ANKS1B: variants seen among roughly 807,000 people sequenced by gnomAD.
ANKS1B encodes the protein ankyrin repeat and sterile alpha motif domain containing 1B, also known as ankyrin repeat and sterile alpha motif domain-containing protein 1B.
In ANKS1B, 36 loss-of-function variants were observed where a neutral mutation model predicts 148.3. The observed-to-expected ratio is 0.24, with a 90% CI of 0.19 to 0.32. ANKS1B has a LOEUF of 0.32. Ranked by LOEUF, ANKS1B falls within the 10% of genes least tolerant of loss-of-function variation. The pLI is 1.00. For missense variants in ANKS1B, 1,157 were observed against 1,542.6 expected (o/e 0.75, Z 4.19); for synonymous variants, 542 against 560.8 (o/e 0.97, Z 0.47).
chr12:99,020,701 A>G (rs753107294), intron 17 of ANKS1B, among the ~76,000 whole-genome samples: 3 of 152,144 alleles, frequency 2.0e-5, no homozygotes, highest in Non-Finnish European at 4.4e-5. Context: ...ACATGAATTA[A>G]AACATATATA....
In ANKS1B at chr12:99,402,680, G is replaced by A. The variant is rs964713205; in HGVS notation, c.1576-2869C>T. Among the ~76,000 whole-genome samples, 9 of 145,758 alleles carry A rather than the reference G, an allele frequency of 6.2e-5. 1 individual carries two copies. The highest frequency in any genetic ancestry group is 2.1e-4 in the South Asian group (1 of 4,754). ...CTTTTTTATGGCTGCATAGTATTCC[G>A]TGGTGTATATATACCACATTTTCTT... is the stretch of plus-strand genomic sequence containing the variant. On this transcript the variant is annotated intron_variant, in intron 11 of 26. Transcript: ENST00000683438.
chr12:99,778,831 C>A lies in ANKS1B; in HGVS notation c.847+1040G>T, dbSNP rs576580802. On this transcript the variant is annotated intron_variant, in intron 6 of 26. Coordinates refer to ENST00000683438, the MANE Select transcript of ANKS1B (RefSeq NM_001352186.2). Reference sequence around the variant, plus strand: ...ATCTATTCCTTTTACTCCTCCTTGGCCTTTGTTGACTATTGTATCTACATG... The same window carrying A: ...ATCTATTCCTTTTACTCCTCCTTGGACTTTGTTGACTATTGTATCTACATG... Among the ~76,000 whole-genome samples the A allele has an allele frequency of 2.0e-5, 3 of 152,232 alleles. No individual in the cohort carries two copies. In the South Asian group the frequency reaches 6.2e-4, roughly 32 times the overall value.
intron 8 of ANKS1B, among the ~76,000 whole-genome samples, chr12:99,664,262 A>G (rs947311407): frequency 3.3e-5 from 5 of 152,074 alleles, no homozygotes; most frequent in Non-Finnish European, 7.4e-5. Context: ...CATTTTTCTA[A>G]AAGTTTACTT....
chr12:99,947,272 G>C, intron 1 of ANKS1B, among the ~76,000 whole-genome samples: 1 of 127,756 alleles, frequency 7.8e-6, no homozygotes, highest in Admixed American at 7.6e-5. Flanking sequence ...AAAAAAAACA[G>C]AAAAGAAAAT....
intron 18 of ANKS1B, among the ~76,000 whole-genome samples, chr12:98,830,547 T>C (rs188533870): frequency 6.6e-6 from 1 of 152,354 alleles, no homozygotes; most frequent in East Asian, 1.9e-4. Flanking sequence ...TTTCCTGTCC[T>C]GCCCTCTGTT....
At chr12:99,076,083 C>G (rs536727527) in intron 16 of ANKS1B, among the ~76,000 whole-genome samples, 1 of 151,946 alleles carries the variant, frequency 6.6e-6, no homozygotes, top group South Asian at 2.1e-4. Flanking sequence ...AGGGAAATGA[C>G]TAGTATATAG....
intron 1 of ANKS1B, among the ~76,000 whole-genome samples, chr12:99,907,414 GA>G (rs1295838744): frequency 6.6e-6 from 1 of 152,298 alleles, no homozygotes; most frequent in East Asian, 1.9e-4. Flanking sequence ...AGCATGACTT[GA>G]AAAACATCTA....
chr12:99,699,004 G>A (rs565260564), intron 8 of ANKS1B, among the ~76,000 whole-genome samples: 3 of 152,014 alleles, frequency 2.0e-5, no homozygotes, highest in Non-Finnish European at 2.9e-5. Context: ...GCACATGTGC[G>A]TGCTCTTTAT....
At chr12:99,101,263 T>C (rs557283347) in intron 15 of ANKS1B, among the ~76,000 whole-genome samples, 168 of 152,252 alleles carry the variant, frequency 1.1e-3, no homozygotes, top group Non-Finnish European at 2.3e-3. Flanking sequence ...CCAGTGGCTA[T>C]CTGAAGTGTG....
intron 17 of ANKS1B, among the ~76,000 whole-genome samples, chr12:98,968,767 G>A (rs745403274): frequency 2.6e-5 from 4 of 152,106 alleles, no homozygotes; most frequent in Non-Finnish European, 5.9e-5. Context: ...GACAGCAGAT[G>A]GCCCTTGTGC....
At chr12:99,079,225 G>A (rs997249179) in intron 16 of ANKS1B, among the ~76,000 whole-genome samples, 10 of 152,132 alleles carry the variant, frequency 6.6e-5, no homozygotes, top group Admixed American at 1.3e-4. Context: ...AATAAATGTT[G>A]TTATATGCCA....
At chr12:98,763,348 A>G (rs2098437906) in intron 25 of ANKS1B, among the ~76,000 whole-genome samples, 1 of 152,264 alleles carries the variant, frequency 6.6e-6, no homozygotes, top group African/African-American at 2.4e-5. Context: ...CATAGATTGT[A>G]CAGAAATAAA....
chr12:99,054,775 C>T (rs187869933), intron 16 of ANKS1B, among the ~76,000 whole-genome samples: 128 of 152,290 alleles, frequency 8.4e-4, no homozygotes, highest in African/African-American at 2.9e-3. Context: ...AACTCCTGAC[C>T]TCAAGTGATT....
At chr12:98,817,575 A>G (rs1172480416) in intron 19 of ANKS1B, among the ~76,000 whole-genome samples, 1 of 152,156 alleles carries the variant, frequency 6.6e-6, no homozygotes, top group African/African-American at 2.4e-5. Context: ...TCACCTCTTG[A>G]GTGAGTTTTG....
At chr12:99,335,456 T>C (rs1443837563) in intron 12 of ANKS1B, among the ~76,000 whole-genome samples, 1 of 144,420 alleles carries the variant, frequency 6.9e-6, no homozygotes, top group African/African-American at 2.9e-5. Context: ...CTATTCATTC[T>C]ATTTTTTTTA....
rs1395286300 is a variant in ANKS1B at position 99,246,802 on chromosome 12, C to A, written c.1819G>T (p.Gly607Cys). The A allele has an allele frequency of 6.2e-7, 1 of 1,612,314 alleles. No homozygotes were observed. The highest frequency in any genetic ancestry group is 1.7e-5 in the Admixed American group (1 of 59,796). The stretch of plus-strand genomic sequence containing the variant: ...GCTGGAGAGGATCCATGGAGCAGGC[C>A]TGCAAATTGCCCAGGATCATATTCT... ...PKEYDPGQFA[G>C]LLHGSSPACE... Residue 607 changes from glycine (G) to cysteine (C), a missense_variant, in exon 13 of 27, where the codon GGC (glycine) becomes TGC (cysteine). Physicochemically the swap from Gly to Cys is radical, Grantham distance 159. Around this residue, in one of 6 missense-constraint regions of ANKS1B, gnomAD observed 661 missense variants for 642.1 expected, o/e 1.03. Transcript: ENST00000683438.
chr12:99,652,350 G>T (rs1278971554), intron 9 of ANKS1B, among the ~76,000 whole-genome samples: 1 of 152,122 alleles, frequency 6.6e-6, no homozygotes, highest in East Asian at 1.9e-4. Context: ...GCGCACCCCT[G>T]TAATCCCAGC....
At chr12:99,982,077 T>C (rs574121365) in intron 1 of ANKS1B, among the ~76,000 whole-genome samples, 9 of 152,152 alleles carry the variant, frequency 5.9e-5, no homozygotes, top group Non-Finnish European at 1.2e-4. Context: ...ATAAGATGGA[T>C]AAAAGCAAGT....
intron 8 of ANKS1B, among the ~76,000 whole-genome samples, chr12:99,725,598 AG>A (rs1314506531): frequency 1.3e-5 from 2 of 152,238 alleles, no homozygotes; most frequent in Admixed American, 1.3e-4. Context: ...CACATCAATG[AG>A]ACAGAAAATT....
Sources: allele counts gnomAD v4.1 joint callset (sites outside exome capture counted in the v4.1 genomes callset), GRCh38; gene constraint gnomAD v4.1.1; regional missense constraint gnomAD v4.1.1; transcripts MANE v1.5; gene names NCBI Gene and HGNC (gene_info 2026-07-23, HGNC 2026-07-21).